GALNT13: variants seen among roughly 807,000 people sequenced by gnomAD.
The protein encoded by GALNT13 is polypeptide N-acetylgalactosaminyltransferase 13, also known as UDP-GalNAc:polypeptide N-acetylgalactosaminyltransferase 13.
GALNT13 carries 28 observed loss-of-function variants against 64.2 expected under a neutral mutation model. The ratio of observed to expected loss-of-function variants is 0.44; its 90% CI spans 0.32 to 0.60. The LOEUF (loss-of-function observed/expected upper bound fraction) is 0.60. Ranked by LOEUF, GALNT13 falls within the 20% of genes least tolerant of loss-of-function variation. GALNT13 has a pLI of 0.05. For synonymous variants in GALNT13, 214 were observed against 224.6 expected (o/e 0.95, Z 0.42); for missense variants, 577 against 669.8 (o/e 0.86, Z 1.53).
intron 9 of GALNT13, among the ~76,000 whole-genome samples, chr2:154,394,104 A>AAAAAAT (rs1553523758): frequency 1.4e-5 from 2 of 146,474 alleles, no homozygotes; most frequent in African/African-American, 2.5e-5. Context: ...AAAAAAAAAA[A>AAAAAAT]GGTATGCAAA....
intron 3 of GALNT13, among the ~76,000 whole-genome samples, chr2:153,961,752 TAG>T (rs1434713909): frequency 2.0e-5 from 3 of 152,202 alleles, no homozygotes; most frequent in African/African-American, 7.2e-5. Flanking sequence ...CTTGATTGAT[TAG>T]AGAGTGGGTA....
the GALNT13 span, among the ~76,000 whole-genome samples, chr2:153,475,594 T>C: frequency 6.6e-6 from 1 of 152,198 alleles, no homozygotes; most frequent in African/African-American, 2.4e-5. Flanking sequence ...AAACCTGTGT[T>C]CTATACAATT....
chr2:153,581,010 G>A, the GALNT13 span, among the ~76,000 whole-genome samples: 1 of 152,034 alleles, frequency 6.6e-6, no homozygotes, highest in East Asian at 1.9e-4. Context: ...GATTCTTCTT[G>A]CTTAGAGATA....
the GALNT13 span, among the ~76,000 whole-genome samples, chr2:153,386,985 C>A: frequency 6.6e-6 from 1 of 152,100 alleles, no homozygotes; most frequent in African/African-American, 2.4e-5. Flanking sequence ...ATCCTTCTCT[C>A]CCCAAACATT....
chr2:153,570,170 T>C, the GALNT13 span, among the ~76,000 whole-genome samples: 23 of 152,314 alleles, frequency 1.5e-4, no homozygotes, highest in African/African-American at 5.1e-4. Context: ...TCATTATAGT[T>C]TTGATTTGCA....
the GALNT13 span, among the ~76,000 whole-genome samples, chr2:153,207,564 C>T: frequency 6.6e-6 from 1 of 152,036 alleles, no homozygotes; most frequent in African/African-American, 2.4e-5. Flanking sequence ...GATAAACTTC[C>T]TTTCATCTAC....
At chr2:153,288,726 C>T in the GALNT13 span, among the ~76,000 whole-genome samples, 1 of 152,082 alleles carries the variant, frequency 6.6e-6, no homozygotes, top group Non-Finnish European at 1.5e-5. Flanking sequence ...GTTGTTCATC[C>T]TACTCTGCCT....
intron 3 of GALNT13, among the ~76,000 whole-genome samples, chr2:154,129,374 A>G (rs1046918095): frequency 6.6e-6 from 1 of 152,118 alleles, no homozygotes; most frequent in Non-Finnish European, 1.5e-5. Context: ...CTTCTTCTTG[A>G]TATTGTGCCA....
chr2:153,536,248 C>T, the GALNT13 span, among the ~76,000 whole-genome samples: 1 of 152,078 alleles, frequency 6.6e-6, no homozygotes, highest in African/African-American at 2.4e-5. Context: ...ACTGAGTTTC[C>T]CTGGAGTTTT....
the GALNT13 span, among the ~76,000 whole-genome samples, chr2:153,759,479 T>C: frequency 6.6e-6 from 1 of 152,144 alleles, no homozygotes; most frequent in Non-Finnish European, 1.5e-5. Context: ...GTACATTCCT[T>C]CTATAGCTAA....
At chr2:154,019,922 G>A (rs367613184) in intron 3 of GALNT13, among the ~76,000 whole-genome samples, 1 of 150,420 alleles carries the variant, frequency 6.6e-6, no homozygotes, top group East Asian at 2.0e-4. Context: ...TCATTGTTCA[G>A]TTCCCACCTA....
chr2:153,907,560 T>A (rs1688661757), intron 2 of GALNT13, among the ~76,000 whole-genome samples: 1 of 151,968 alleles, frequency 6.6e-6, no homozygotes. Context: ...CCTGCCACCC[T>A]CTATCCTAAG....
At chr2:153,554,199 T>C in the GALNT13 span, among the ~76,000 whole-genome samples, 11 of 147,382 alleles carry the variant, frequency 7.5e-5, no homozygotes, top group Admixed American at 3.4e-4. Flanking sequence ...TGGTGATGGG[T>C]GCCTGTAGTC....
intron 9 of GALNT13, among the ~76,000 whole-genome samples, chr2:154,355,904 T>C (rs1696717928): frequency 6.6e-6 from 1 of 152,030 alleles, no homozygotes; most frequent in Non-Finnish European, 1.5e-5. Context: ...GTGACAGGAA[T>C]CTCAGTCTGG....
chr2:153,978,695 T>G (rs186138438), intron 3 of GALNT13, among the ~76,000 whole-genome samples: 2 of 152,202 alleles, frequency 1.3e-5, no homozygotes, highest in Admixed American at 1.3e-4. Flanking sequence ...TGAAGTCCAA[T>G]TAAACCTCTT....
chr2:154,269,709 G>T (rs1163093708), intron 8 of GALNT13, among the ~76,000 whole-genome samples: 2 of 151,214 alleles, frequency 1.3e-5, no homozygotes, highest in African/African-American at 4.8e-5. Context: ...AGAATAGCTT[G>T]AAGTTTTAGC....
the GALNT13 span, among the ~76,000 whole-genome samples, chr2:153,418,017 C>T: frequency 6.6e-6 from 1 of 152,122 alleles, no homozygotes; most frequent in Admixed American, 6.6e-5. Context: ...ATGTGGTAGG[C>T]AGCAAAATGG....
At chr2:153,947,480 G>A (rs183866316) in intron 3 of GALNT13, among the ~76,000 whole-genome samples, 49 of 150,824 alleles carry the variant, frequency 3.2e-4, no homozygotes, top group African/African-American at 1.0e-3. Flanking sequence ...CTGCACATAT[G>A]CCTTCTTTTG....
At chr2:153,551,486 G>A in the GALNT13 span, among the ~76,000 whole-genome samples, 1 of 152,282 alleles carries the variant, frequency 6.6e-6, no homozygotes, top group East Asian at 1.9e-4. Flanking sequence ...AGGAGACAGG[G>A]TAGAAGACTA....
Sources: gnomAD v4.1 joint callset for allele counts (sites outside exome capture counted in the v4.1 genomes callset) on GRCh38, gnomAD v4.1.1 for gene constraint, MANE v1.5 for transcripts, NCBI Gene and HGNC (gene_info 2026-07-23, HGNC 2026-07-21) for gene names.